NHLRC2: variants seen among roughly 807,000 people sequenced by gnomAD.
The protein encoded by NHLRC2 is NHL repeat containing 2.
In NHLRC2, 33 loss-of-function variants were observed where a neutral mutation model predicts 68.1. The ratio of observed to expected loss-of-function variants is 0.48; its 90% CI spans 0.37 to 0.65. NHLRC2 has a LOEUF of 0.65. Among genes scored for constraint, NHLRC2 ranks in the 30% least tolerant of loss-of-function variants. The pLI is 0.00. For missense variants in NHLRC2, 761 were observed against 853.8 expected, an observed-to-expected ratio of 0.89 and a Z score of 1.35; for synonymous variants, 311 against 309.6, an observed-to-expected ratio of 1.00 and a Z score of -0.05.
intron 2 of NHLRC2, among the ~76,000 whole-genome samples, chr10:113,861,980 G>A (rs1302292457): frequency 1.3e-5 from 2 of 151,746 alleles, no homozygotes; most frequent in Non-Finnish European, 2.9e-5. Context: ...TCAAGCAATT[G>A]TCCTGCCTCA....
intron 5 of NHLRC2, among the ~76,000 whole-genome samples, chr10:113,895,062 T>C (rs1407642877): frequency 1.3e-5 from 2 of 152,334 alleles, no homozygotes; most frequent in East Asian, 1.9e-4. Flanking sequence ...ACCCATCAAA[T>C]ATCCACAGCA....
Position 113,908,263 on chromosome 10 carries a change from T to C in NHLRC2, c.1925-17T>C. On this transcript the variant is annotated splice_polypyrimidine_tract_variant and intron_variant, in intron 10 of 10. Coordinates refer to ENST00000369301, the MANE Select transcript of NHLRC2 (RefSeq NM_198514.4). ...CTTATCTTATACAGTCTTAATAATT[T>C]CATTTTTGATTTTTAGGCAATGAAT... 1.9e-6 allele frequency: 3 copies of C among 1,603,440 alleles called. No individual in the cohort carries two copies. Among genetic ancestry groups the C allele is most frequent in the Non-Finnish European group, 2.6e-6 (3 of 1,170,516 alleles).
At chr10:113,860,716 AAAG>A (rs1213843887) in intron 2 of NHLRC2, among the ~76,000 whole-genome samples, 1 of 152,224 alleles carries the variant, frequency 6.6e-6, no homozygotes, top group Non-Finnish European at 1.5e-5. Context: ...GAAATACAAT[AAAG>A]AGAAAACCTA....
In NHLRC2 at chr10:113,901,405, C is replaced by T. The variant is rs144469869; in HGVS notation, c.1140-261C>T. Among the ~76,000 whole-genome samples the T allele has an allele frequency of 3.6e-3, 553 of 152,190 alleles. 3 individuals are homozygous for T. Among genetic ancestry groups the T allele is most frequent in the African/African-American group, 0.013 (528 of 41,528 alleles). On this transcript the variant is annotated intron_variant, in intron 6 of 10. Coordinates refer to ENST00000369301, the MANE Select transcript of NHLRC2 (RefSeq NM_198514.4). ...TCTTATAATTCTATCAGGGATTTGT[C>T]GTTTAACATTTGAAAGTGATTTCAG...
At chr10:113,878,518 G>A (rs1026951967) in intron 3 of NHLRC2, among the ~76,000 whole-genome samples, 1 of 151,942 alleles carries the variant, frequency 6.6e-6, no homozygotes, top group African/African-American at 2.4e-5. Context: ...AGGTCTATTG[G>A]GCTCTTGAGT....
At position 113,914,836 on chromosome 10, in the gene NHLRC2, G is replaced by C. The variant is rs1386118569; in HGVS notation, c.*6300G>C. The C allele has an allele frequency of 5.6e-6, 2 of 356,216 alleles. No individual in the cohort carries two copies. Among genetic ancestry groups the C allele is most frequent in the Non-Finnish European group, 1.1e-5 (2 of 181,510 alleles). The allele number at this position is 356,216 out of a possible 1,614,324, so 22.1% of individuals were successfully genotyped here. A position where few individuals can be genotyped will look rare whatever the true frequency, so the allele number is the denominator to read the frequency against. On this transcript the variant is annotated 3_prime_UTR_variant, in exon 11 of 11. Transcript: ENST00000369301. ...CTTTTTTCCCATGTCTTTGCAATAG[G>C]ATAATATAAAGAATAGTATTAAAAG...
At chr10:113,902,273 C>A (rs1441345516) in intron 7 of NHLRC2, among the ~76,000 whole-genome samples, 198 bp from the exon 8 acceptor site, 10 of 152,152 alleles carry the variant, frequency 6.6e-5, no homozygotes, top group Admixed American at 4.6e-4. Context: ...CTAAGCACCA[C>A]CAATTAATAC....
chr10:113,864,972 CAG>C lies in NHLRC2; in HGVS notation c.331+6295_331+6296del, dbSNP rs1347948833. On this transcript the variant is annotated intron_variant, in intron 2 of 10. Coordinates refer to ENST00000369301, the MANE Select transcript of NHLRC2 (RefSeq NM_198514.4). Reference sequence around the variant, plus strand: ...GTTTTTTGGTTTTTTTTTTTTGAGACAGAGTCTTGCTCTGTCGCCCAGGCTGG... The same window carrying C: ...GTTTTTTGGTTTTTTTTTTTTGAGACAGTCTTGCTCTGTCGCCCAGGCTGG... Among the ~76,000 whole-genome samples the C allele has an allele frequency of 6.0e-5, 9 of 149,104 alleles. 1 individual carries two copies. In the South Asian group the frequency reaches 6.3e-4, roughly 10 times the overall value.
Position 113,861,045 on chromosome 10 carries a change from A to G in NHLRC2, c.331+2365A>G, listed in dbSNP as rs140809062. Among the ~76,000 whole-genome samples, 882 of 152,316 alleles carry G rather than the reference A, an allele frequency of 5.8e-3. 9 individuals carry two copies. The highest frequency in any genetic ancestry group is 0.019 in the African/African-American group (803 of 41,558). On this transcript the variant is annotated intron_variant, in intron 2 of 10. Coordinates refer to ENST00000369301, the MANE Select transcript of NHLRC2 (RefSeq NM_198514.4). The stretch of plus-strand genomic sequence containing the variant: ...AAACTCATCGTAAAGTTGAAAAATT[A>G]TAAGTCATACCCTCATAGGTCAGGG...
chr10:113,879,790 T>C (rs564188447), intron 4 of NHLRC2, 95 bp downstream of exon 4: 25 of 746,178 alleles, frequency 3.4e-5, no homozygotes, highest in Non-Finnish European at 4.8e-5. Context: ...GTGATTCTTA[T>C]GTATGTCAAT....
intron 2 of NHLRC2, among the ~76,000 whole-genome samples, chr10:113,871,365 C>A (rs1845923571): frequency 6.6e-6 from 1 of 152,054 alleles, no homozygotes; most frequent in South Asian, 2.1e-4. Context: ...AATTGAGTCT[C>A]TGGACTTTTC....
chr10:113,912,804 G>A lies in NHLRC2; in HGVS notation c.*4268G>A, dbSNP rs1846341782. On this transcript the variant is annotated 3_prime_UTR_variant, in exon 11 of 11. Coordinates refer to ENST00000369301, the MANE Select transcript of NHLRC2 (RefSeq NM_198514.4). ...ACCGGAATAGTGCTCGATGCCTGAA[G>A]TGGTGCCTGGCGCCAGCAGATGTTC... The A allele has an allele frequency of 1.3e-5, 2 of 152,234 alleles. No individual in the cohort carries two copies. The highest frequency in any genetic ancestry group is 4.8e-5 in the African/African-American group (2 of 41,454). 9.4% of individuals were successfully genotyped at this position (152,234 alleles called of 1,614,324 possible).
At chr10:113,858,272 A>G (rs1049657483) in intron 1 of NHLRC2, among the ~76,000 whole-genome samples, 2 of 150,948 alleles carry the variant, frequency 1.3e-5, no homozygotes, top group Non-Finnish European at 3.0e-5. Context: ...CCTTTTTGGT[A>G]TGTTCTTCCA....
intron 2 of NHLRC2, among the ~76,000 whole-genome samples, chr10:113,873,656 G>A (rs953868803): frequency 6.6e-6 from 1 of 152,272 alleles, no homozygotes; most frequent in African/African-American, 2.4e-5. Flanking sequence ...CTGATGGCAG[G>A]TCAGGCAGTT....
chr10:113,891,996 C>A (rs1442580948), intron 5 of NHLRC2, among the ~76,000 whole-genome samples: 1 of 152,146 alleles, frequency 6.6e-6, no homozygotes, highest in Non-Finnish European at 1.5e-5. Context: ...CTACCTTTTC[C>A]ACAGCTGTAA....
intron 5 of NHLRC2, among the ~76,000 whole-genome samples, chr10:113,887,688 C>T (rs1210556390): frequency 6.6e-6 from 1 of 152,170 alleles, no homozygotes; most frequent in Non-Finnish European, 1.5e-5. Flanking sequence ...GGGAGAATCA[C>T]TTGAACCCGG....
chr10:113,862,056 A>G (rs1464391861), intron 2 of NHLRC2, among the ~76,000 whole-genome samples: 1 of 151,892 alleles, frequency 6.6e-6, no homozygotes, highest in Non-Finnish European at 1.5e-5. Context: ...TATTTTTTTT[A>G]GTAGAGACAG....
chr10:113,863,940 T>C (rs1845839360), intron 2 of NHLRC2, among the ~76,000 whole-genome samples: 1 of 152,218 alleles, frequency 6.6e-6, no homozygotes, highest in Non-Finnish European at 1.5e-5. Context: ...AATAGACCTA[T>C]ATCTGGTAGC....
intron 2 of NHLRC2, among the ~76,000 whole-genome samples, chr10:113,867,629 C>G (rs545211224): frequency 4.6e-5 from 7 of 152,360 alleles, no homozygotes; most frequent in African/African-American, 1.4e-4. Flanking sequence ...GTTCCTCTTG[C>G]TTTAACACCT....
Sources: allele counts gnomAD v4.1 joint callset (sites outside exome capture counted in the v4.1 genomes callset), GRCh38; gene constraint gnomAD v4.1.1; transcripts MANE v1.5; gene names NCBI Gene and HGNC (gene_info 2026-07-23, HGNC 2026-07-21).